Variants in UBXN11 observed in about 807,000 individuals in gnomAD.
UBXN11 encodes the protein UBX domain protein 11.
In UBXN11, 47 loss-of-function variants were observed where a neutral mutation model predicts 62.8. The ratio of observed to expected loss-of-function variants is 0.75; its 90% CI spans 0.59 to 0.95. The LOEUF (loss-of-function observed/expected upper bound fraction) is 0.95. UBXN11 is among the 40% of genes least tolerant of loss of function. The probability of loss-of-function intolerance (pLI) is 0.00; values close to 1 mark genes in which losing one functional copy is unlikely to be tolerated. For missense variants in UBXN11, 638 were observed against 661.7 expected (o/e 0.96, Z 0.39); for synonymous variants, 294 against 267.0 (o/e 1.10, Z -0.99).
intron 8 of UBXN11, among the ~76,000 whole-genome samples, chr1:26,288,983 T>C (rs778340846): frequency 1.2e-4 from 19 of 152,160 alleles, no homozygotes; most frequent in Non-Finnish European, 2.2e-4. Context: ...AGAGTGGCAA[T>C]GCTGGGAGAT....
Position 26,284,420 on chromosome 1 carries a change from G to A in UBXN11, c.915C>T (p.Gly305=). The stretch of plus-strand genomic sequence containing the variant: ...GCATCAGCTGCCTGCCCACCACACG[G>A]CCCTCGCCTGGGAAGGGGTCCAGTC... ...EDGLDPFPGE[G]RVVGRQLMHK... is the part of the protein sequence containing the mutation. The change falls in exon 11 of 15, where the codon GGC becomes GGT. Residue 305 remains glycine, a synonymous_variant. Transcript: ENST00000374222. The A allele has an allele frequency of 1.2e-6, 2 of 1,613,842 alleles. No homozygotes were observed. The highest frequency in any genetic ancestry group is 1.3e-5 in the African/African-American group (1 of 75,054).
intron 4 of UBXN11, 100 bp downstream of exon 4, chr1:26,300,826 A>G: frequency 6.4e-7 from 1 of 1,572,758 alleles, no homozygotes; most frequent in Middle Eastern, 1.7e-4. Context: ...GCCTCAGACC[A>G]AACAGGCGAG....
intron 8 of UBXN11, among the ~76,000 whole-genome samples, chr1:26,287,466 C>G (rs114291908): frequency 0.029 from 4,340 of 152,020 alleles, 91 homozygotes; most frequent in Non-Finnish European, 0.043. Flanking sequence ...TGGGACCTGG[C>G]CCCCAAGTAA....
chr1:26,301,627 T>A (rs1264956151), intron 3 of UBXN11, 67 bp downstream of exon 3: 3 of 1,595,182 alleles, frequency 1.9e-6, no homozygotes, highest in Non-Finnish European at 2.6e-6. Context: ...TTTCTCTCCA[T>A]CGGTCCAACT....
chr1:26,301,320 C>G (rs1348169282), intron 3 of UBXN11, among the ~76,000 whole-genome samples: 2 of 152,084 alleles, frequency 1.3e-5, no homozygotes, highest in African/African-American at 4.8e-5. Context: ...GTGGACAGGC[C>G]TCCCGGGAGA....
At chr1:26,304,978 C>T (rs1357240315) in intron 1 of UBXN11, among the ~76,000 whole-genome samples, 1 of 151,760 alleles carries the variant, frequency 6.6e-6, no homozygotes, top group Non-Finnish European at 1.5e-5. Context: ...TTTTTTTTCC[C>T]CTTCAGTTTG....
upstream of UBXN11, among the ~76,000 whole-genome samples, chr1:26,309,957 T>C (rs576717716): frequency 6.6e-6 from 1 of 152,340 alleles, no homozygotes; most frequent in South Asian, 2.1e-4. Flanking sequence ...TTTCTTTCTT[T>C]GCTCATTTAT....
chr1:26,288,852 A>G (rs1355969808), intron 8 of UBXN11, among the ~76,000 whole-genome samples: 2 of 152,178 alleles, frequency 1.3e-5, no homozygotes, highest in Non-Finnish European at 2.9e-5. Flanking sequence ...ATGAGCTGTC[A>G]CGCCCCAGAT....
chr1:26,295,805 G>A (rs375321027), intron 7 of UBXN11, among the ~76,000 whole-genome samples: 2 of 152,206 alleles, frequency 1.3e-5, no homozygotes, highest in Non-Finnish European at 2.9e-5. Flanking sequence ...TCATGCAGGC[G>A]GGGGACTATG....
intron 5 of UBXN11, among the ~76,000 whole-genome samples, chr1:26,297,733 C>T (rs2073429043): frequency 6.6e-6 from 1 of 152,246 alleles, no homozygotes; most frequent in Non-Finnish European, 1.5e-5. Flanking sequence ...CTGTGCCACC[C>T]AGTCCAGGGT....
rs1271207311 is a variant in UBXN11, at chr1:26,284,139, C to T, written c.1077+3G>A. ...GGGCTGGGGGAGTTAGCATTGGCCTCACCTGCAAGGTGTCCCTGATGGGGC... is the reference window on the plus strand; with the variant it reads ...GGGCTGGGGGAGTTAGCATTGGCCTTACCTGCAAGGTGTCCCTGATGGGGC... On this transcript the variant is annotated splice_donor_region_variant and intron_variant, in intron 12 of 14. Coordinates refer to ENST00000374222, the MANE Select transcript of UBXN11 (RefSeq NM_001389556.1). 6.2e-7 allele frequency: 1 copy of T among 1,603,866 alleles called. No homozygotes were observed. The highest frequency in any genetic ancestry group is 8.5e-7 in the Non-Finnish European group (1 of 1,174,694).
chr1:26,316,595 A>T (rs74782531), intron 1 of UBXN11, among the ~76,000 whole-genome samples: 4 of 152,276 alleles, frequency 2.6e-5, no homozygotes, highest in Non-Finnish European at 4.4e-5. Context: ...TTCAAGGTCA[A>T]ATGAGACTGG....
chr1:26,296,805 G>A lies in UBXN11; in HGVS notation c.432+114C>T, dbSNP rs547340820. 8.3e-6 allele frequency: 9 copies of A among 1,084,802 alleles called. No homozygotes were observed. The African/African-American group carries it at 1.4e-4, about 17-fold the overall frequency. 67.2% of individuals were successfully genotyped at this position (1,084,802 alleles called of 1,614,324 possible). ...AATGCAGGGCAGGGTCCCTGGGTGGGATGTGACGAGGAGAGGCCCAGAGAG... is the reference window on the plus strand; with the variant it reads ...AATGCAGGGCAGGGTCCCTGGGTGGAATGTGACGAGGAGAGGCCCAGAGAG... On this transcript the variant is annotated intron_variant, in intron 7 of 14. Transcript: ENST00000374222.
At chr1:26,306,828 G>C (rs1209573237), upstream of UBXN11, 4 of 71,360 alleles carry the variant, frequency 5.6e-5, no homozygotes, top group East Asian at 2.9e-4. Flanking sequence ...CCGGGGCGGG[G>C]TGGGGGGGGG....
intron 1 of UBXN11, among the ~76,000 whole-genome samples, chr1:26,316,125 ATTT>A (rs57889417): frequency 7.7e-5 from 7 of 91,460 alleles, no homozygotes; most frequent in African/African-American, 1.6e-4. Context: ...TGCCCGGCTA[ATTT>A]TTTTTTTTTT....
rs754079195 is a variant in UBXN11 at position 26,282,389 on chromosome 1, GGGACCGGGACCGGGACAGGGACCA to G, written c.1449_1472del (p.Cys486_Pro493del). 10 of 392,908 alleles carry G rather than the reference GGGACCGGGACCGGGACAGGGACCA, an allele frequency of 2.5e-5. No homozygotes were observed. In the South Asian group the frequency reaches 2.9e-4, roughly 11 times the overall value. The allele number at this position is 392,908 out of a possible 1,614,324, so 24.3% of individuals were successfully genotyped here. A position where few individuals can be genotyped will look rare whatever the true frequency, so the allele number is the denominator to read the frequency against. On this transcript the variant is annotated inframe_deletion, in exon 15 of 15. Coordinates refer to ENST00000374222, the MANE Select transcript of UBXN11 (RefSeq NM_001389556.1). The stretch of plus-strand genomic sequence containing the variant: ...CGGGACCGGGACCGGGACTGGGGCC[GGGACCGGGACCGGGACAGGGACCA>G]GGACTGAATTTCAGGCTGGACTTCG...
At chr1:26,295,315 T>A (rs1185288904) in intron 7 of UBXN11, among the ~76,000 whole-genome samples, 2 of 151,990 alleles carry the variant, frequency 1.3e-5, no homozygotes, top group Non-Finnish European at 2.9e-5. Context: ...CCACCCTAGT[T>A]CAAGCCACCG....
chr1:26,284,323 T>TC, intron 11 of UBXN11, 39 bp downstream of exon 11: 1 of 1,613,396 alleles, frequency 6.2e-7, no homozygotes, highest in Non-Finnish European at 8.5e-7. Context: ...TGTTCTGCAG[T>TC]CCCCCAGCCC....
At position 26,282,836 on chromosome 1, in the gene UBXN11, GGCCCTCACCTCCTCATCCC is replaced by G; in HGVS notation, c.1151+9_1151+27del. ...AGCACGCGGTGACCCAACGCCCCCA[GGCCCTCACCTCCTCATCCC>G]GCCCTCACCTCTCTCGCTCAGCGGC... On this transcript the variant is annotated intron_variant, in intron 13 of 14. Coordinates refer to ENST00000374222, the MANE Select transcript of UBXN11 (RefSeq NM_001389556.1). 6.2e-7 allele frequency: 1 copy of G among 1,614,124 alleles called. No individual in the cohort carries two copies. The highest frequency in any genetic ancestry group is 2.2e-5 in the East Asian group (1 of 44,880).
Sources: allele counts gnomAD v4.1 joint callset (sites outside exome capture counted in the v4.1 genomes callset), GRCh38; gene constraint gnomAD v4.1.1; transcripts MANE v1.5; gene names NCBI Gene and HGNC (gene_info 2026-07-23, HGNC 2026-07-21).